EXOC6: variants seen among roughly 807,000 people sequenced by gnomAD.
EXOC6 encodes the protein exocyst complex component 6.
In EXOC6, 60 loss-of-function variants were observed where a neutral mutation model predicts 112.5. The observed-to-expected ratio is 0.53, with a 90% confidence interval of 0.43 to 0.66. EXOC6 has a LOEUF of 0.66. Among genes scored for constraint, EXOC6 ranks in the 30% least tolerant of loss-of-function variants. The pLI is 0.00. For missense variants in EXOC6, 855 were observed against 957.1 expected, an observed-to-expected ratio of 0.89 and a Z score of 1.41; for synonymous variants, 295 against 308.0, an observed-to-expected ratio of 0.96 and a Z score of 0.44.
intron 15 of EXOC6, among the ~76,000 whole-genome samples, chr10:92,954,147 G>A (rs114438951): frequency 0.011 from 1,617 of 152,168 alleles, 33 homozygotes; most frequent in African/African-American, 0.037. Context: ...GGGCATGGTG[G>A]CATGCATCTG....
intron 14 of EXOC6, among the ~76,000 whole-genome samples, chr10:92,949,510 T>C (rs1853262945): frequency 6.6e-6 from 1 of 151,990 alleles, no homozygotes; most frequent in African/African-American, 2.4e-5. Context: ...TTTTTTTAGT[T>C]ACTGGTAATG....
chr10:93,019,547 C>T lies in EXOC6; in HGVS notation c.2169+5280C>T, dbSNP rs530957231. 8.1e-4 allele frequency among the ~76,000 whole-genome samples: 123 copies of T among 152,244 alleles called. 5 individuals are homozygous for T. The South Asian group carries it at 0.025, about 31-fold the overall frequency. On this transcript the variant is annotated intron_variant, in intron 20 of 21. Transcript: ENST00000260762. ...GAATCTTTTCTTTTGTAACAGGACA[C>T]ATTGAAAACACTGGTTATTTTACCA... is the stretch of plus-strand genomic sequence containing the variant.
At chr10:92,911,995 T>A (rs1850812620) in intron 6 of EXOC6, among the ~76,000 whole-genome samples, 1 of 149,014 alleles carries the variant, frequency 6.7e-6, no homozygotes, top group Non-Finnish European at 1.5e-5. Context: ...ATAAGAAGCC[T>A]CCTGAAGTCT....
intron 19 of EXOC6, among the ~76,000 whole-genome samples, chr10:93,013,088 A>G (rs1486891086): frequency 6.6e-6 from 1 of 152,118 alleles, no homozygotes; most frequent in African/African-American, 2.4e-5. Flanking sequence ...GATTACAGGC[A>G]TTCTTATCAG....
intron 1 of EXOC6, among the ~76,000 whole-genome samples, chr10:92,836,395 A>G (rs946992491): frequency 2.6e-5 from 4 of 152,160 alleles, no homozygotes; most frequent in African/African-American, 9.7e-5. Context: ...GCAAAAAATC[A>G]TTTAGATTTG....
intron 20 of EXOC6, among the ~76,000 whole-genome samples, chr10:93,037,144 CTTTT>C (rs745466359): frequency 3.6e-5 from 5 of 139,360 alleles, no homozygotes; most frequent in Admixed American, 1.4e-4. Context: ...TCTTCTTCTA[CTTTT>C]TTTTTTTTTT....
At chr10:92,997,987 C>A (rs965588930) in intron 19 of EXOC6, among the ~76,000 whole-genome samples, 1 of 152,182 alleles carries the variant, frequency 6.6e-6, no homozygotes, top group African/African-American at 2.4e-5. Context: ...TTTTTAGATA[C>A]TTGCTAGAAG....
At chr10:92,827,144 A>G (rs535119894) in intron 1 of EXOC6, among the ~76,000 whole-genome samples, 2 of 152,244 alleles carry the variant, frequency 1.3e-5, no homozygotes, top group South Asian at 2.1e-4. Flanking sequence ...TAATGTGCCT[A>G]TGGTGCATTC....
chr10:92,827,924 G>T (rs1294484863), intron 1 of EXOC6, among the ~76,000 whole-genome samples: 2 of 152,114 alleles, frequency 1.3e-5, no homozygotes, highest in African/African-American at 2.4e-5. Context: ...TTGTGACTCT[G>T]TTGGCACTTT....
At chr10:92,941,996 G>C (rs1852693873) in intron 13 of EXOC6, among the ~76,000 whole-genome samples, 1 of 152,056 alleles carries the variant, frequency 6.6e-6, no homozygotes, top group Non-Finnish European at 1.5e-5. Flanking sequence ...GTCAATATTT[G>C]ATGATATTAA....
intron 20 of EXOC6, among the ~76,000 whole-genome samples, chr10:93,018,065 T>G (rs1844623818): frequency 6.6e-6 from 1 of 150,962 alleles, no homozygotes; most frequent in Non-Finnish European, 1.5e-5. Flanking sequence ...AAGAAATACA[T>G]TCTTTATGCA....
At chr10:92,943,656 C>T (rs2094457557) in intron 13 of EXOC6, among the ~76,000 whole-genome samples, 3 of 150,690 alleles carry the variant, frequency 2.0e-5, no homozygotes, top group Admixed American at 2.0e-4. Context: ...ATATTGTATA[C>T]ATTATGGAAT....
At chr10:92,838,142 A>C (rs1451773419) in intron 1 of EXOC6, among the ~76,000 whole-genome samples, 1 of 152,160 alleles carries the variant, frequency 6.6e-6, no homozygotes, top group Non-Finnish European at 1.5e-5. Context: ...GGGTAACTGA[A>C]CGGCACTTCT....
At chr10:92,895,491 GGATC>G (rs1462203096) in intron 4 of EXOC6, among the ~76,000 whole-genome samples, 1 of 152,006 alleles carries the variant, frequency 6.6e-6, no homozygotes. Flanking sequence ...CAAAAGAGCT[GGATC>G]TTCACCATTC....
chr10:92,837,391 C>T lies in EXOC6; in HGVS notation c.86+2567C>T, dbSNP rs1206006422. On this transcript the variant is annotated intron_variant, in intron 1 of 21. Transcript: ENST00000371552. ...AGTATTTTAAAACGTCAAGCTCTGG[C>T]TACATGCAGTGGCTCATGCCTGTAA... 3.3e-5 allele frequency among the ~76,000 whole-genome samples: 5 copies of T among 152,336 alleles called. No homozygotes were observed. The East Asian group carries it at 9.6e-4, about 29-fold the overall frequency.
chr10:92,954,554 G>C, intron 15 of EXOC6, 76 bp from the exon 16 acceptor site: 1 of 659,962 alleles, frequency 1.5e-6, no homozygotes, highest in South Asian at 2.2e-5. Flanking sequence ...TTAGTAAACT[G>C]TGTTAAATTA....
At chr10:92,833,180 A>G (rs2133566543), upstream of EXOC6, among the ~76,000 whole-genome samples, 1 of 152,188 alleles carries the variant, frequency 6.6e-6, no homozygotes, top group East Asian at 1.9e-4. Flanking sequence ...GGCTGAAAAC[A>G]ACAGTCATTT....
At chr10:92,892,314 G>T (rs1296553950) in intron 1 of EXOC6, among the ~76,000 whole-genome samples, 2 of 152,244 alleles carry the variant, frequency 1.3e-5, no homozygotes, top group Non-Finnish European at 2.9e-5. Context: ...TGAGCTTTCA[G>T]TTGTCCTTTC....
intron 1 of EXOC6, among the ~76,000 whole-genome samples, chr10:92,892,277 G>A (rs770157570): frequency 3.9e-5 from 6 of 152,174 alleles, no homozygotes; most frequent in Non-Finnish European, 8.8e-5. Context: ...AAGGCACATA[G>A]GACAGGGACT....
Sources: allele counts gnomAD v4.1 joint callset (sites outside exome capture counted in the v4.1 genomes callset), GRCh38; gene constraint gnomAD v4.1.1; transcripts MANE v1.5; gene names NCBI Gene and HGNC (gene_info 2026-07-23, HGNC 2026-07-21).